The following DNAJC19 variants were observed in gnomAD, a reference collection of about 807,000 sequenced individuals.
DNAJC19 encodes the protein DnaJ heat shock protein family (Hsp40) member C19.
DNAJC19 carries 15 observed loss-of-function variants against 19.8 expected under a neutral mutation model. The observed-to-expected ratio is 0.76, with a 90% CI of 0.51 to 1.17. The LOEUF (loss-of-function observed/expected upper bound fraction) is 1.17, where lower values mean the gene tolerates loss of function less well. Ranked by LOEUF, DNAJC19 falls within the 50% of genes most tolerant of loss-of-function variation. The probability of loss-of-function intolerance (pLI) is 0.00; values close to 1 mark genes in which losing one functional copy is unlikely to be tolerated. For missense variants in DNAJC19, 105 were observed against 140.9 expected, an observed-to-expected ratio of 0.75 and a Z score of 1.29; for synonymous variants, 38 against 42.1, an observed-to-expected ratio of 0.90 and a Z score of 0.38.
At chr3:180,989,441 A>G (rs1715102039) in intron 1 of DNAJC19, 159 bp downstream of exon 1, 1 of 1,486,630 alleles carries the variant, frequency 6.7e-7, no homozygotes, top group Non-Finnish European at 9.0e-7. Context: ...GAGCGAGCCA[A>G]CAGGGTTGTG....
In DNAJC19 at chr3:180,984,714, T is replaced by C. The variant is rs1256818835; in HGVS notation, c.281-4A>G. 3 of 1,598,694 alleles carry C rather than the reference T, an allele frequency of 1.9e-6. No homozygotes were observed. Among genetic ancestry groups the C allele is most frequent in the Non-Finnish European group, 2.6e-6 (3 of 1,169,336 alleles). On this transcript the variant is annotated splice_polypyrimidine_tract_variant and splice_region_variant and intron_variant, in intron 5 of 5. Transcript: ENST00000382564. ...GCTGCTATATAAGGAGATCCTCCTATAGGAAGAAAGAAAAAAGAACAGTTA... is the reference window on the plus strand; with the variant it reads ...GCTGCTATATAAGGAGATCCTCCTACAGGAAGAAAGAAAAAAGAACAGTTA...
rs555688140 is a variant in DNAJC19, at chr3:180,988,359, T to C, written c.4-130A>G. 3,144 of 1,002,426 alleles carry C rather than the reference T, an allele frequency of 3.1e-3. 4 individuals carry two copies. The highest frequency in any genetic ancestry group is 3.4e-3 in the Non-Finnish European group (2,336 of 693,074). The allele number at this position is 1,002,426 out of a possible 1,614,324, so 62.1% of individuals were successfully genotyped here. ...AGAAACAACTTTTTTTTTTCTTTTT[T>C]TTTTTTTTTTTTTAAGAGACGGAGT... On this transcript the variant is annotated intron_variant, in intron 1 of 5. Transcript: ENST00000382564.
At position 180,986,920 on chromosome 3, in the gene DNAJC19, AAAAAT is replaced by A. The variant is rs1714939516; in HGVS notation, c.209+18_209+22del. ...GGCTCTACAGTGGTAGAAAAATGCT[AAAAAT>A]ATTAGAGATTATTTTACCTTACACC... On this transcript the variant is annotated intron_variant, in intron 4 of 5. Coordinates refer to ENST00000382564, the MANE Select transcript of DNAJC19 (RefSeq NM_145261.4). 6.3e-7 allele frequency: 1 copy of A among 1,596,870 alleles called. No individual in the cohort carries two copies. Among genetic ancestry groups the A allele is most frequent in the African/African-American group, 1.3e-5 (1 of 74,534 alleles).
In DNAJC19 at chr3:180,988,600, C is replaced by G. The variant is rs1367353455; in HGVS notation, c.4-371G>C. Among the ~76,000 whole-genome samples, 4 of 151,990 alleles carry G rather than the reference C, an allele frequency of 2.6e-5. No individual in the cohort carries two copies. The East Asian group carries it at 7.7e-4, about 29-fold the overall frequency. The stretch of plus-strand genomic sequence containing the variant: ...AGGATTCATCATATGGGAAAGAGGG[C>G]AAGTTCGACTTGCTTATTTATCTTT... On this transcript the variant is annotated intron_variant, in intron 1 of 5. Coordinates refer to ENST00000382564, the MANE Select transcript of DNAJC19 (RefSeq NM_145261.4).
At chr3:180,985,875 A>G (rs193301673) in intron 5 of DNAJC19, 51 bp downstream of exon 5, 23 of 1,464,140 alleles carry the variant, frequency 1.6e-5, no homozygotes, top group Middle Eastern at 1.7e-4. Context: ...TATCCCATTA[A>G]TAACTATTGG....
chr3:180,985,686 A>G, intron 5 of DNAJC19: 1 of 484,502 alleles, frequency 2.1e-6, no homozygotes, highest in East Asian at 3.3e-5. Context: ...ATTATAATAA[A>G]TGTAGGCCAG....
Position 180,986,447 on chromosome 3 carries a change from A to AG in DNAJC19, c.210-452_210-451insC, listed in dbSNP as rs538997686. ...CAGGTGTGTGCCATTACGCCTGGCT[A>AG]ATTTTTGTATTTTAAGTAGAGACGG... On this transcript the variant is annotated intron_variant, in intron 4 of 5. Coordinates refer to ENST00000382564, the MANE Select transcript of DNAJC19 (RefSeq NM_145261.4). The AG allele has an allele frequency of 3.1e-3, 614 of 197,768 alleles. 3 individuals carry two copies. The highest frequency in any genetic ancestry group is 5.5e-3 in the South Asian group (65 of 11,758). 12.3% of individuals were successfully genotyped at this position (197,768 alleles called of 1,614,324 possible).
chr3:180,987,864 C>G, intron 3 of DNAJC19, 159 bp downstream of exon 3: 1 of 840,688 alleles, frequency 1.2e-6, no homozygotes, highest in East Asian at 2.6e-5. Context: ...CAGGGTAGCA[C>G]CATCACAAAG....
At chr3:180,987,213 T>C (rs1010154603) in intron 3 of DNAJC19, 191 bp from the exon 4 acceptor site, 1 of 608,812 alleles carries the variant, frequency 1.6e-6, no homozygotes, top group African/African-American at 1.9e-5. Flanking sequence ...ATTTTAATGA[T>C]CATTAAACAG....
chr3:180,989,706 C>A lies in DNAJC19; in HGVS notation c.-104G>T, dbSNP rs946887546. ...CTTTACCAGAGAGCGACGCAACCCC[C>A]AACCTCAAGCACAGGCGCCCTACGC... is the stretch of plus-strand genomic sequence containing the variant. On this transcript the variant is annotated 5_prime_UTR_variant, in exon 1 of 6. Coordinates refer to ENST00000382564, the MANE Select transcript of DNAJC19 (RefSeq NM_145261.4). 8 of 1,537,236 alleles carry A rather than the reference C, an allele frequency of 5.2e-6. No homozygotes were observed. In the African/African-American group the frequency reaches 8.2e-5, roughly 16 times the overall value.
At chr3:180,987,684 TTAGAATCA>T (rs1476214028) in intron 3 of DNAJC19, 1 of 370,850 alleles carries the variant, frequency 2.7e-6, no homozygotes, top group Non-Finnish European at 5.2e-6. Flanking sequence ...TCGGATCACT[TTAGAATCA>T]TATACCTCTG....
chr3:180,988,367 T>C (rs1156460341), intron 1 of DNAJC19, 138 bp from the exon 2 acceptor site: 1 of 1,051,924 alleles, frequency 9.5e-7, no homozygotes, highest in Non-Finnish European at 1.4e-6. Context: ...TTTTTTTTTT[T>C]TTTTTAAGAG....
In DNAJC19 at chr3:180,989,592, G is replaced by A. The variant is rs1207630223; in HGVS notation, c.3+8C>T. Reference sequence around the variant, plus strand: ...AGGTCGCCAAGAAGACCGGAAGGCCGCACTCACCATGGCTCCGGCTGGGCT... The same window carrying A: ...AGGTCGCCAAGAAGACCGGAAGGCCACACTCACCATGGCTCCGGCTGGGCT... On this transcript the variant is annotated splice_region_variant and intron_variant, in intron 1 of 5. Coordinates refer to ENST00000382564, the MANE Select transcript of DNAJC19 (RefSeq NM_145261.4). The A allele has an allele frequency of 6.3e-7, 1 of 1,585,074 alleles. No individual in the cohort carries two copies. The highest frequency in any genetic ancestry group is 1.8e-5 in the Admixed American group (1 of 56,008).
chr3:180,984,544 A>AT lies in DNAJC19; in HGVS notation c.*95dup. 1 of 845,168 alleles carries AT rather than the reference A, an allele frequency of 1.2e-6. No homozygotes were observed. Among genetic ancestry groups the AT allele is most frequent in the Non-Finnish European group, 1.9e-6 (1 of 522,308 alleles). 52.4% of individuals were successfully genotyped at this position (845,168 alleles called of 1,614,324 possible). On this transcript the variant is annotated 3_prime_UTR_variant, in exon 6 of 6. Transcript: ENST00000382564. ...TTTGAGATTTAGCTTGTGCTAAATC[A>AT]TTTTTTAAAATTGTAGCTCTGAGGC...
At chr3:180,989,270 G>A (rs577272096) in intron 1 of DNAJC19, 6 of 1,309,894 alleles carry the variant, frequency 4.6e-6, no homozygotes, top group Middle Eastern at 6.0e-4. Flanking sequence ...GATGTGTTAG[G>A]GCAAGGGCAC....
chr3:180,984,733 A>C (rs1577023636), intron 5 of DNAJC19, 23 bp from the exon 6 acceptor site: 1 of 1,545,040 alleles, frequency 6.5e-7, no homozygotes, highest in Non-Finnish European at 8.9e-7. Context: ...AGAAAAAAGA[A>C]CAGTTACAAT....
chr3:180,989,409 G>A (rs1715100679), intron 1 of DNAJC19, 191 bp downstream of exon 1: 2 of 1,443,380 alleles, frequency 1.4e-6, no homozygotes, highest in East Asian at 2.5e-5. Flanking sequence ...GAAAGACGAT[G>A]TAAAAACACA....
chr3:180,986,561 C>A (rs1024024171), intron 4 of DNAJC19: 2 of 211,080 alleles, frequency 9.5e-6, no homozygotes, highest in Admixed American at 1.1e-4. Context: ...GGATTACAGA[C>A]GTGAGTCACC....
At chr3:180,987,535 A>G (rs1577025389) in intron 3 of DNAJC19, 1 of 258,074 alleles carries the variant, frequency 3.9e-6, no homozygotes, top group East Asian at 9.9e-5. Context: ...AACATATTCA[A>G]CAGGTGATCA....
Sources: gnomAD v4.1 joint callset for allele counts (sites outside exome capture counted in the v4.1 genomes callset) on GRCh38, gnomAD v4.1.1 for gene constraint, MANE v1.5 for transcripts, NCBI Gene and HGNC (gene_info 2026-07-23, HGNC 2026-07-21) for gene names.